CLK3: variants seen among roughly 807,000 people sequenced by gnomAD.
The protein encoded by CLK3 is CDC like kinase 3.
Under a neutral mutation model 65.2 loss-of-function variants are expected in CLK3, and 24 were observed. The observed-to-expected ratio is 0.37, with a 90% confidence interval of 0.27 to 0.52. The LOEUF is 0.52. Ranked by LOEUF, CLK3 falls within the 20% of genes least tolerant of loss-of-function variation. The pLI, the probability that CLK3 is intolerant of heterozygous loss-of-function variation, is 0.92. For missense variants in CLK3, 506 were observed against 660.0 expected, an observed-to-expected ratio of 0.77 and a Z score of 2.56; for synonymous variants, 252 against 240.8, an observed-to-expected ratio of 1.05 and a Z score of -0.43.
chr15:74,628,592 A>T lies in CLK3; in HGVS notation c.1126-12A>T. ...GTACTGACCCCCTTGCACTGTCCCT[A>T]ATCTTCCACAGACCCACGAAAACCG... On this transcript the variant is annotated splice_polypyrimidine_tract_variant and intron_variant, in intron 10 of 12. Coordinates refer to ENST00000395066, the MANE Select transcript of CLK3 (RefSeq NM_001130028.2). 6.2e-7 allele frequency: 1 copy of T among 1,609,634 alleles called. No individual in the cohort carries two copies. The highest frequency in any genetic ancestry group is 8.5e-7 in the Non-Finnish European group (1 of 1,176,848).
intron 2 of CLK3, among the ~76,000 whole-genome samples, chr15:74,619,768 A>G (rs1004007088): frequency 3.9e-5 from 6 of 152,118 alleles, no homozygotes; most frequent in Admixed American, 2.0e-4. Context: ...GAGGCACTCT[A>G]CCATACTCCC....
rs2062178351 is a variant in CLK3 at position 74,629,723 on chromosome 15, A to G, written c.1313A>G (p.Asp438Gly). ...CCTGAGCAGAGTTACATGCTCCAAG[A>G]CTCCCTGGAGCACGTGCAGCTGTTT... ...CKPLKSYMLQ[D>G]SLEHVQLFDL... Residue 438 changes from aspartate to glycine, a missense_variant, in exon 13 of 13, where the codon GAC becomes GGC. Asp to Gly is a moderately conservative substitution (Grantham distance 94). Transcript: ENST00000395066. 6.2e-7 allele frequency: 1 copy of G among 1,611,714 alleles called. No individual in the cohort carries two copies. Among genetic ancestry groups the G allele is most frequent in the African/African-American group, 1.3e-5 (1 of 74,702 alleles).
intron 1 of CLK3, 62 bp from the exon 2 acceptor site, chr15:74,619,135 G>A: frequency 6.3e-7 from 1 of 1,594,328 alleles, no homozygotes; most frequent in East Asian, 2.2e-5. Flanking sequence ...AGCCCCAGCA[G>A]CCCCATGGCT....
intron 1 of CLK3, among the ~76,000 whole-genome samples, chr15:74,609,530 G>A (rs911758000): frequency 1.8e-4 from 28 of 152,264 alleles, no homozygotes; most frequent in African/African-American, 6.8e-4. Context: ...GTACAGATGG[G>A]CATGGCCTGG....
chr15:74,627,292 G>T lies in CLK3; in HGVS notation c.818-60G>T. 1 of 1,339,046 alleles carries T rather than the reference G, an allele frequency of 7.5e-7. No homozygotes were observed. Among genetic ancestry groups the T allele is most frequent in the South Asian group, 1.2e-5 (1 of 84,936 alleles). The allele number at this position is 1,339,046 out of a possible 1,614,324, so 82.9% of individuals were successfully genotyped here. On this transcript the variant is annotated intron_variant, in intron 7 of 12. Transcript: ENST00000395066. This position sits in a 1 kb window ranked among gnomAD's most constrained non-coding sequence, Gnocchi z 4.3. ...GGCATTGGAAGAGGGGTCTGGCCTAGAGCTGGCAGGAGAGCCAGCTTCTCA... is the reference window on the plus strand; with the variant it reads ...GGCATTGGAAGAGGGGTCTGGCCTATAGCTGGCAGGAGAGCCAGCTTCTCA...
upstream of CLK3, among the ~76,000 whole-genome samples, chr15:74,614,055 G>T (rs1008107539): frequency 2.0e-5 from 3 of 152,184 alleles, no homozygotes; most frequent in African/African-American, 4.8e-5. Flanking sequence ...GCTCTCTTGC[G>T]CAGGCTGCAG....
rs750713294 is a variant in CLK3 at position 74,615,867 on chromosome 15, G to T, written c.-32G>T. On this transcript the variant is annotated 5_prime_UTR_variant, in exon 1 of 13. Transcript: ENST00000395066. ...GGAAGAGGCGCTCGGAGCGGGGAGT[G>T]GGGCCTAGCTGCAGCCGGAGCCTGG... The T allele has an allele frequency of 8.0e-7, 1 of 1,256,026 alleles. No homozygotes were observed. Among genetic ancestry groups the T allele is most frequent in the Non-Finnish European group, 1.0e-6 (1 of 1,000,258 alleles). The allele number at this position is 1,256,026 out of a possible 1,614,324, so 77.8% of individuals were successfully genotyped here.
chr15:74,615,753 G>C, upstream of CLK3: 1 of 1,238,730 alleles, frequency 8.1e-7, no homozygotes, highest in Non-Finnish European at 1.0e-6. Flanking sequence ...AGAGCGGCCA[G>C]GCCTCCGAGC....
Position 74,622,076 on chromosome 15 carries a change from C to G in CLK3, c.370-44C>G. The G allele has an allele frequency of 6.4e-7, 1 of 1,573,658 alleles. No individual in the cohort carries two copies. The highest frequency in any genetic ancestry group is 8.7e-7 in the Non-Finnish European group (1 of 1,143,462). On this transcript the variant is annotated intron_variant, in intron 3 of 12. Coordinates refer to ENST00000395066, the MANE Select transcript of CLK3 (RefSeq NM_001130028.2). This position sits in a 1 kb window ranked among gnomAD's most constrained non-coding sequence, Gnocchi z 4.6. ...TCAATCTGTCAATCGGAACCGCCTA[C>G]CATGCGATTGGTCGGATGGCGTTTC...
intron 1 of CLK3, among the ~76,000 whole-genome samples, chr15:74,618,820 G>A (rs77038747): frequency 0.043 from 6,476 of 152,348 alleles, 156 homozygotes; most frequent in Middle Eastern, 0.13. Context: ...CCCCGGGCGG[G>A]AGGGAATAGA....
intron 11 of CLK3, 100 bp from the exon 12 acceptor site, chr15:74,628,842 C>A: frequency 6.8e-6 from 7 of 1,032,378 alleles, no homozygotes; most frequent in Non-Finnish European, 1.0e-5. Context: ...ACCTGTTGCC[C>A]TGGTTCTGCT....
upstream of CLK3, among the ~76,000 whole-genome samples, chr15:74,612,703 C>T (rs2141528874): frequency 6.6e-6 from 1 of 152,302 alleles, no homozygotes; most frequent in East Asian, 1.9e-4. Flanking sequence ...TACTCCAGGC[C>T]CAGGCTCCTG....
intron 5 of CLK3, among the ~76,000 whole-genome samples, chr15:74,623,079 T>C (rs1362492391): frequency 6.6e-6 from 1 of 152,204 alleles, no homozygotes; most frequent in Non-Finnish European, 1.5e-5. Context: ...TAGGGTAGTG[T>C]GTGGTCTCCG....
chr15:74,627,780 C>T lies in CLK3; in HGVS notation c.1042+112C>T. ...CTGCCACCCAGGGCAGGCAGAGTTT[C>T]TCAGACCAAGGGGCCAGTGTCATGA... On this transcript the variant is annotated intron_variant, in intron 9 of 12. Coordinates refer to ENST00000395066, the MANE Select transcript of CLK3 (RefSeq NM_001130028.2). This position sits in a 1 kb window ranked among gnomAD's most constrained non-coding sequence, Gnocchi z 4.3. 3 of 1,498,402 alleles carry T rather than the reference C, an allele frequency of 2.0e-6. No homozygotes were observed. Among genetic ancestry groups the T allele is most frequent in the East Asian group, 2.3e-5 (1 of 44,170 alleles). 92.8% of individuals were successfully genotyped at this position (1,498,402 alleles called of 1,614,324 possible). A position where few individuals can be genotyped will look rare whatever the true frequency, so the allele number is the denominator to read the frequency against.
Position 74,624,800 on chromosome 15 carries a change from T to C in CLK3, c.534-102T>C. ...ATCTGCTCTCTTCAGTGCCGGCTGCTCCTGGAGTGGTGTTTGTTGGGAGTT... is the reference window on the plus strand; with the variant it reads ...ATCTGCTCTCTTCAGTGCCGGCTGCCCCTGGAGTGGTGTTTGTTGGGAGTT... On this transcript the variant is annotated intron_variant, in intron 5 of 12. Coordinates refer to ENST00000395066, the MANE Select transcript of CLK3 (RefSeq NM_001130028.2). This position sits in a 1 kb window ranked among gnomAD's most constrained non-coding sequence, Gnocchi z 4.2. 2.5e-6 allele frequency: 2 copies of C among 812,300 alleles called. No individual in the cohort carries two copies. Among genetic ancestry groups the C allele is most frequent in the South Asian group, 2.9e-5 (2 of 68,064 alleles). 50.3% of individuals were successfully genotyped at this position (812,300 alleles called of 1,614,324 possible). A position where few individuals can be genotyped will look rare whatever the true frequency, so the allele number is the denominator to read the frequency against.
chr15:74,615,808 G>C (rs1353832981), upstream of CLK3: 2 of 1,245,272 alleles, frequency 1.6e-6, no homozygotes, highest in Non-Finnish European at 2.0e-6. Context: ...GCGAGGGGGC[G>C]GGGCTGCCAC....
Position 74,622,311 on chromosome 15 carries a change from G to T in CLK3, c.466+95G>T. 3 of 1,246,012 alleles carry T rather than the reference G, an allele frequency of 2.4e-6. No individual in the cohort carries two copies. Among genetic ancestry groups the T allele is most frequent in the Non-Finnish European group, 2.3e-6 (2 of 873,630 alleles). 77.2% of individuals were successfully genotyped at this position (1,246,012 alleles called of 1,614,324 possible). On this transcript the variant is annotated intron_variant, in intron 4 of 12. Transcript: ENST00000395066. This position sits in a 1 kb window ranked among gnomAD's most constrained non-coding sequence, Gnocchi z 4.6. ...CCTGGAGGGGCCTCTAGTGCGCGTG[G>T]TGCCTTAGCGGGGCCACCAGTAATT...
Position 74,627,028 on chromosome 15 carries a change from C to T in CLK3, c.818-324C>T, listed in dbSNP as rs1429614553. The stretch of plus-strand genomic sequence containing the variant: ...TGTAGCTGGTGCAGGGAAGAGGGAA[C>T]CACCTCGAGGCTGTTGCTGTAGCTC... On this transcript the variant is annotated intron_variant, in intron 7 of 12. Coordinates refer to ENST00000395066, the MANE Select transcript of CLK3 (RefSeq NM_001130028.2). This position sits in a 1 kb window ranked among gnomAD's most constrained non-coding sequence, Gnocchi z 4.3. 1 of 499,262 alleles carries T rather than the reference C, an allele frequency of 2.0e-6. No individual in the cohort carries two copies. Among genetic ancestry groups the T allele is most frequent in the East Asian group, 5.6e-5 (1 of 17,936 alleles). The allele number at this position is 499,262 out of a possible 1,614,324, so 30.9% of individuals were successfully genotyped here. A position where few individuals can be genotyped will look rare whatever the true frequency, so the allele number is the denominator to read the frequency against.
chr15:74,622,189 CG>C lies in CLK3; in HGVS notation c.441del (p.Ile148SerfsTer38). 6.2e-7 allele frequency: 1 copy of C among 1,613,934 alleles called. No homozygotes were observed. The highest frequency in any genetic ancestry group is 8.5e-7 in the Non-Finnish European group (1 of 1,179,838). On this transcript the variant is annotated frameshift_variant, in exon 4 of 13. Transcript: ENST00000395066. LOFTEE classifies it high-confidence loss of function. This position sits in a 1 kb window ranked among gnomAD's most constrained non-coding sequence, Gnocchi z 4.6. Reference protein sequence around the residue: ...EDDKEGHLVCRIGDWLQERYE... With the variant: ...EDDKEGHLVCXIGDWLQERYE... Reference sequence around the variant, plus strand: ...TGACAAGGAGGGTCACCTGGTGTGCCGGATCGGCGATTGGCTCCAAGAGCGA... The same window carrying C: ...TGACAAGGAGGGTCACCTGGTGTGCCGATCGGCGATTGGCTCCAAGAGCGA...
Sources: gnomAD v4.1 joint callset for allele counts (sites outside exome capture counted in the v4.1 genomes callset) on GRCh38, gnomAD v4.1.1 for gene constraint, Gnocchi (gnomAD v3.1) non-coding constraint, MANE v1.5 for transcripts, NCBI Gene and HGNC (gene_info 2026-07-23, HGNC 2026-07-21) for gene names.